Variants in ZNF273 observed in about 807,000 individuals in gnomAD.
ZNF273 encodes zinc finger protein 273.
Under a neutral mutation model 14.9 loss-of-function variants are expected in ZNF273, and 11 were observed. The observed-to-expected ratio is 0.74, with a 90% CI of 0.46 to 1.22. The LOEUF is 1.22. ZNF273 is among the 50% of genes most tolerant of loss of function. The pLI is 0.00. For synonymous variants in ZNF273, 199 were observed against 223.9 expected, an observed-to-expected ratio of 0.89 and a Z score of 0.99; for missense variants, 577 against 660.6, an observed-to-expected ratio of 0.87 and a Z score of 1.39.
In ZNF273 at chr7:64,929,726, T is replaced by A; in HGVS notation, c.*688T>A. On this transcript the variant is annotated 3_prime_UTR_variant, in exon 4 of 4. Transcript: ENST00000476120. ...TGGTAGATAACTAATAGTGAACAAG[T>A]TTTTGGCAGAGGTATATTTACATTC... 6.6e-6 allele frequency: 1 copy of A among 152,250 alleles called. No individual in the cohort carries two copies. The highest frequency in any genetic ancestry group is 1.5e-5 in the Non-Finnish European group (1 of 68,082). The allele number at this position is 152,250 out of a possible 1,614,324, so 9.4% of individuals were successfully genotyped here. A position where few individuals can be genotyped will look rare whatever the true frequency, so the allele number is the denominator to read the frequency against.
chr7:64,894,958 T>C (rs879381397), intron 3 of ZNF273, among the ~76,000 whole-genome samples: 2 of 142,616 alleles, frequency 1.4e-5, no homozygotes, highest in Non-Finnish European at 3.0e-5. Flanking sequence ...TGAAACCCCG[T>C]CTCTACTAAA....
chr7:64,923,041 T>C (rs1794580196), intron 3 of ZNF273, among the ~76,000 whole-genome samples: 1 of 152,194 alleles, frequency 6.6e-6, no homozygotes, highest in Non-Finnish European at 1.5e-5. Flanking sequence ...TTAGTCATAC[T>C]AATTATATTA....
At chr7:64,915,330 A>C (rs1312883334) in intron 1 of ZNF273, among the ~76,000 whole-genome samples, 3 of 151,570 alleles carry the variant, frequency 2.0e-5, no homozygotes, top group African/African-American at 7.3e-5. Flanking sequence ...CACACACAGA[A>C]ATATAGAGGT....
intron 2 of ZNF273, among the ~76,000 whole-genome samples, chr7:64,878,655 C>A (rs774069969): frequency 3.9e-5 from 6 of 152,218 alleles, no homozygotes; most frequent in Non-Finnish European, 8.8e-5. Flanking sequence ...AAGGAGGAAT[C>A]CAACATTTGG....
intron 1 of ZNF273, among the ~76,000 whole-genome samples, chr7:64,887,749 C>T (rs997704741): frequency 1.3e-5 from 2 of 151,848 alleles, no homozygotes; most frequent in African/African-American, 2.4e-5. Context: ...CTGCCCGCCT[C>T]GACCTCCCAG....
chr7:64,891,652 G>A (rs893634152), downstream of ZNF273, among the ~76,000 whole-genome samples: 4 of 152,198 alleles, frequency 2.6e-5, no homozygotes, highest in Admixed American at 2.6e-4. Flanking sequence ...CTTCAAGTGG[G>A]TAGGGAAGAA....
chr7:64,893,694 CCCCTCCCCCTCCCCT>C (rs2129046097), downstream of ZNF273: 1 of 116,068 alleles, frequency 8.6e-6, no homozygotes, highest in South Asian at 3.1e-4. Context: ...CCCTCCCCCT[CCCCTCCCCCTCCCCT>C]CCCTTCCCCT....
At chr7:64,905,184 T>C (rs10239789) in intron 1 of ZNF273, among the ~76,000 whole-genome samples, 144,117 of 147,046 alleles carry the variant, frequency 0.98, 70,705 homozygotes, top group East Asian at 1. Flanking sequence ...GGGGCGATCG[T>C]GGCTCACTGC....
At chr7:64,901,780 G>A (rs562346624), upstream of ZNF273, among the ~76,000 whole-genome samples, 5 of 151,028 alleles carry the variant, frequency 3.3e-5, no homozygotes, top group African/African-American at 7.3e-5. Flanking sequence ...GAGAAAGGCC[G>A]TCTCTACTAA....
chr7:64,913,339 C>T (rs1262763833), intron 1 of ZNF273, among the ~76,000 whole-genome samples: 1 of 152,180 alleles, frequency 6.6e-6, no homozygotes, highest in Non-Finnish European at 1.5e-5. Context: ...ATGCTGGGCC[C>T]TTCATTTAAA....
downstream of ZNF273, among the ~76,000 whole-genome samples, chr7:64,892,987 G>T (rs1183241482): frequency 6.6e-6 from 1 of 152,104 alleles, no homozygotes; most frequent in Non-Finnish European, 1.5e-5. Context: ...CCTCTGTGTT[G>T]GACATGCCTG....
intron 1 of ZNF273, among the ~76,000 whole-genome samples, chr7:64,884,928 T>G (rs1791488893): frequency 6.6e-6 from 1 of 152,196 alleles, no homozygotes; most frequent in Non-Finnish European, 1.5e-5. Context: ...GGCTCTGCCT[T>G]CCCATTTTCC....
intron 3 of ZNF273, among the ~76,000 whole-genome samples, chr7:64,925,340 T>G (rs921565769): frequency 6.6e-5 from 10 of 152,180 alleles, no homozygotes; most frequent in Non-Finnish European, 1.2e-4. Context: ...AGATATTTTT[T>G]GGGGTACCTT....
At chr7:64,901,155 A>C (rs1792690602), upstream of ZNF273, among the ~76,000 whole-genome samples, 1 of 152,074 alleles carries the variant, frequency 6.6e-6, no homozygotes, top group Non-Finnish European at 1.5e-5. Context: ...AGCGCACGCC[A>C]TCACACCTGG....
At position 64,910,217 on chromosome 7, in the gene ZNF273, C is replaced by T. The variant is rs555456819; in HGVS notation, c.102+6798C>T. Among the ~76,000 whole-genome samples, 3 of 152,008 alleles carry T rather than the reference C, an allele frequency of 2.0e-5. No homozygotes were observed. In the South Asian group the frequency reaches 6.2e-4, roughly 32 times the overall value. On this transcript the variant is annotated intron_variant, in intron 1 of 3. Coordinates refer to ENST00000476120, the MANE Select transcript of ZNF273 (RefSeq NM_021148.3). ...TCCATTTCTGCTTTTGTTGCAATTG[C>T]TTTTGGTATCCTCAACATGAAATAT... is the stretch of plus-strand genomic sequence containing the variant.
At chr7:64,904,886 A>C (rs1792981514) in intron 1 of ZNF273, among the ~76,000 whole-genome samples, 1 of 152,148 alleles carries the variant, frequency 6.6e-6, no homozygotes, top group Non-Finnish European at 1.5e-5. Flanking sequence ...TGGAAACTTT[A>C]TGGAGTGCTG....
At chr7:64,891,236 T>C (rs1183259381), downstream of ZNF273, among the ~76,000 whole-genome samples, 9 of 152,258 alleles carry the variant, frequency 5.9e-5, no homozygotes, top group African/African-American at 2.2e-4. Flanking sequence ...CTGTAAGCTG[T>C]GGTTTCCTTA....
chr7:64,885,138 G>A (rs907199734), intron 1 of ZNF273, among the ~76,000 whole-genome samples: 7 of 152,250 alleles, frequency 4.6e-5, no homozygotes, highest in South Asian at 2.1e-4. Context: ...ACGTGTCGGC[G>A]TTGGACTCTT....
chr7:64,912,825 A>ATTTTTTTTTT (rs1562959126), intron 1 of ZNF273, among the ~76,000 whole-genome samples: 7 of 16,856 alleles, frequency 4.2e-4, no homozygotes, highest in East Asian at 2.0e-3. Flanking sequence ...GATTCATTTT[A>ATTTTTTTTTT]GTTTTTTTTT....
Sources: gnomAD v4.1 joint callset for allele counts (sites outside exome capture counted in the v4.1 genomes callset) on GRCh38, gnomAD v4.1.1 for gene constraint, MANE v1.5 for transcripts, NCBI Gene and HGNC (gene_info 2026-07-23, HGNC 2026-07-21) for gene names.